The following CDH12 variants were observed in gnomAD, a reference collection of about 807,000 sequenced individuals.
The protein encoded by CDH12 is cadherin-12.
A neutral mutation model predicts 74.1 loss-of-function variants in CDH12; 41 were observed. The ratio of observed to expected loss-of-function variants is 0.55; its 90% confidence interval spans 0.43 to 0.72. The LOEUF (loss-of-function observed/expected upper bound fraction) is 0.72. CDH12 is among the 30% of genes least tolerant of loss of function. CDH12 has a pLI of 0.00. For synonymous variants in CDH12, 399 were observed against 355.0 expected (o/e 1.12, Z -1.39); for missense variants, 945 against 977.2 (o/e 0.97, Z 0.44).
In CDH12 at chr5:22,616,569, T is replaced by C. The variant is rs370507434; in HGVS notation, c.-522-111205A>G. 2.2e-4 allele frequency among the ~76,000 whole-genome samples: 34 copies of C among 152,194 alleles called. 1 individual carries two copies. In the East Asian group the frequency reaches 3.3e-3, roughly 15 times the overall value. ...TTCTCTGTTGGAGGTATTTAAAAAT[T>C]AAATACATACATACACAAAATTAAA... On this transcript the variant is annotated intron_variant, in intron 1 of 14. Coordinates refer to ENST00000382254, the MANE Select transcript of CDH12 (RefSeq NM_004061.5).
chr5:22,387,343 A>C (rs1742044103), intron 3 of CDH12, among the ~76,000 whole-genome samples: 1 of 152,190 alleles, frequency 6.6e-6, no homozygotes, highest in Admixed American at 6.5e-5. Context: ...TTTAAAAAAT[A>C]AATTCTCTGT....
intron 4 of CDH12, among the ~76,000 whole-genome samples, chr5:22,132,341 G>T (rs966240946): frequency 6.6e-6 from 1 of 151,820 alleles, no homozygotes; most frequent in Admixed American, 6.6e-5. Flanking sequence ...GCAAACAGGG[G>T]GCCCTTGCTA....
chr5:22,787,944 T>C (rs1472195989), intron 1 of CDH12, among the ~76,000 whole-genome samples: 1 of 152,262 alleles, frequency 6.6e-6, no homozygotes, highest in Admixed American at 6.5e-5. Context: ...ACCAACACTT[T>C]TGCTGTATTT....
chr5:21,952,167 T>G (rs1259179688), intron 6 of CDH12, among the ~76,000 whole-genome samples: 2 of 152,206 alleles, frequency 1.3e-5, no homozygotes, highest in Non-Finnish European at 2.9e-5. Flanking sequence ...TATCATCATT[T>G]AAGTGTCTGT....
intron 1 of CDH12, among the ~76,000 whole-genome samples, chr5:22,660,521 C>G (rs1168898691): frequency 6.6e-6 from 1 of 152,342 alleles, no homozygotes; most frequent in Admixed American, 6.5e-5. Context: ...GAGGGATCCT[C>G]TCGTCTCAGC....
At chr5:22,254,630 T>C (rs1753252265) in intron 3 of CDH12, among the ~76,000 whole-genome samples, 1 of 151,882 alleles carries the variant, frequency 6.6e-6, no homozygotes, top group Admixed American at 6.6e-5. Flanking sequence ...TTTACCTATG[T>C]AACAAACCTG....
intron 6 of CDH12, among the ~76,000 whole-genome samples, chr5:21,874,978 A>C (rs1751851648): frequency 6.6e-6 from 1 of 152,218 alleles, no homozygotes; most frequent in African/African-American, 2.4e-5. Context: ...GCCTGCCACC[A>C]TCTTGGGCAC....
intron 5 of CDH12, among the ~76,000 whole-genome samples, chr5:22,017,904 C>T (rs1737704529): frequency 6.6e-6 from 1 of 151,916 alleles, no homozygotes; most frequent in African/African-American, 2.4e-5. Flanking sequence ...GGATTAAAGA[C>T]ATGCACCACC....
intron 3 of CDH12, among the ~76,000 whole-genome samples, chr5:22,389,313 T>G (rs569222456): frequency 1.8e-4 from 28 of 152,258 alleles, no homozygotes; most frequent in African/African-American, 6.7e-4. Flanking sequence ...ACTTTTCAAG[T>G]AAGAATAAAA....
intron 1 of CDH12, among the ~76,000 whole-genome samples, chr5:22,727,501 A>G (rs1449064203): frequency 1.3e-5 from 2 of 151,720 alleles, no homozygotes; most frequent in Non-Finnish European, 3.0e-5. Flanking sequence ...CACTATTTAT[A>G]TATGACATTG....
intron 6 of CDH12, among the ~76,000 whole-genome samples, chr5:21,951,584 T>G (rs559007737): frequency 6.6e-6 from 1 of 152,216 alleles, no homozygotes; most frequent in East Asian, 1.9e-4. Context: ...CCTTCTTTCT[T>G]GGAGAAATGA....
At chr5:22,492,351 T>A (rs72744885) in intron 2 of CDH12, among the ~76,000 whole-genome samples, 1,018 of 5,014 alleles carry the variant, frequency 0.2, 10 homozygotes, top group Non-Finnish European at 0.25. Flanking sequence ...ACTAAAAATG[T>A]TTTTTTTTTT....
At chr5:21,965,108 A>C (rs1358468344) in intron 6 of CDH12, among the ~76,000 whole-genome samples, 1 of 152,070 alleles carries the variant, frequency 6.6e-6, no homozygotes, top group Non-Finnish European at 1.5e-5. Context: ...CTAGTAAGAA[A>C]AATACATTAT....
intron 4 of CDH12, among the ~76,000 whole-genome samples, chr5:22,190,375 TC>T (rs1230230675): frequency 4.6e-5 from 7 of 151,198 alleles, no homozygotes; most frequent in Non-Finnish European, 1.0e-4. Context: ...TATCTATCTA[TC>T]TATCTATCTA....
At chr5:22,422,479 T>A (rs962952969) in intron 2 of CDH12, among the ~76,000 whole-genome samples, 5 of 152,118 alleles carry the variant, frequency 3.3e-5, no homozygotes, top group Non-Finnish European at 7.4e-5. Flanking sequence ...TTTGCCAGTA[T>A]TTTTTTGAAG....
chr5:22,388,413 G>T (rs959086850), intron 3 of CDH12, among the ~76,000 whole-genome samples: 4 of 151,796 alleles, frequency 2.6e-5, no homozygotes, highest in Non-Finnish European at 5.9e-5. Flanking sequence ...TTTATTTGAG[G>T]ATAAAAATAA....
At chr5:22,218,015 A>G (rs1751881659) in intron 3 of CDH12, among the ~76,000 whole-genome samples, 1 of 151,622 alleles carries the variant, frequency 6.6e-6, no homozygotes, top group Non-Finnish European at 1.5e-5. Flanking sequence ...TATATATTTA[A>G]TTATTTAACA....
chr5:22,314,000 G>A (rs1010822192), intron 3 of CDH12, among the ~76,000 whole-genome samples: 5 of 152,188 alleles, frequency 3.3e-5, no homozygotes, highest in African/African-American at 9.7e-5. Flanking sequence ...CTCTGTTTAA[G>A]AATGTATGGT....
chr5:22,395,603 AT>A (rs1250013382), intron 3 of CDH12, among the ~76,000 whole-genome samples: 1 of 152,000 alleles, frequency 6.6e-6, no homozygotes, highest in African/African-American at 2.4e-5. Context: ...CTGGGAATTA[AT>A]TTTTTTCTTT....
Sources: allele counts gnomAD v4.1 joint callset (sites outside exome capture counted in the v4.1 genomes callset), GRCh38; gene constraint gnomAD v4.1.1; transcripts MANE v1.5; gene names NCBI Gene and HGNC (gene_info 2026-07-23, HGNC 2026-07-21).